The following SPATA13 variants were observed in gnomAD, a reference collection of about 807,000 sequenced individuals.
SPATA13 encodes the protein spermatogenesis associated 13.
A neutral mutation model predicts 104.0 loss-of-function variants in SPATA13; 50 were observed. The observed-to-expected ratio is 0.48, with a 90% CI of 0.38 to 0.61. The LOEUF is 0.61. SPATA13 is among the 20% of genes least tolerant of loss of function. SPATA13 has a pLI of 0.00. For missense variants in SPATA13, 1,524 were observed against 1,690.6 expected (o/e 0.90, Z 1.73); for synonymous variants, 606 against 667.5 (o/e 0.91, Z 1.42).
rs149812969 is a variant in SPATA13, at chr13:24,298,726, A to G, written c.3583+991A>G. Among the ~76,000 whole-genome samples, 802 of 152,262 alleles carry G rather than the reference A, an allele frequency of 5.3e-3. 3 individuals carry two copies. Among genetic ancestry groups the G allele is most frequent in the Non-Finnish European group, 8.3e-3 (565 of 68,016 alleles). ...GAGGACAGCAGGACTAAAAACCAGG[A>G]GGTGCTTTTTCTGTCCTCCCCAGCC... is the stretch of plus-strand genomic sequence containing the variant. On this transcript the variant is annotated intron_variant, in intron 11 of 12. Coordinates refer to ENST00000382108, the MANE Select transcript of SPATA13 (RefSeq NM_001166271.3).
chr13:24,035,687 C>T (rs1877652726), intron 3 of SPATA13, among the ~76,000 whole-genome samples: 1 of 152,208 alleles, frequency 6.6e-6, no homozygotes, highest in South Asian at 2.1e-4. Flanking sequence ...TCTCTTCAAA[C>T]TCTTAGTCTC....
intron 2 of SPATA13, among the ~76,000 whole-genome samples, chr13:24,245,708 C>T (rs7988870): frequency 8.1e-4 from 123 of 151,152 alleles, no homozygotes; most frequent in African/African-American, 2.8e-3. Flanking sequence ...CCTCCTGCCT[C>T]GGCCTCCCAA....
At chr13:23,989,782 G>A (rs1875322284) in intron 2 of SPATA13, among the ~76,000 whole-genome samples, 1 of 152,122 alleles carries the variant, frequency 6.6e-6, no homozygotes, top group Non-Finnish European at 1.5e-5. Flanking sequence ...GTGAGGCCTT[G>A]GGAAGTGATT....
At chr13:24,156,914 C>T (rs981625960), upstream of SPATA13, among the ~76,000 whole-genome samples, 7 of 152,158 alleles carry the variant, frequency 4.6e-5, no homozygotes, top group African/African-American at 1.7e-4. Context: ...TTCAACCAAC[C>T]CCCTTTTGTC....
chr13:24,177,692 T>A (rs539209788), intron 1 of SPATA13, among the ~76,000 whole-genome samples: 9 of 152,044 alleles, frequency 5.9e-5, no homozygotes, highest in Non-Finnish European at 1.0e-4. Context: ...ACTTAAGTGA[T>A]CCTTCCACCT....
At chr13:24,250,209 GATAAAATGTAAAGAAGAAATAA>G (rs769227121) in intron 3 of SPATA13, among the ~76,000 whole-genome samples, 116 of 152,118 alleles carry the variant, frequency 7.6e-4, no homozygotes, top group Non-Finnish European at 1.4e-3. Flanking sequence ...AAAATGTAAA[GATAAAATGTAAAGAAGAAATAA>G]ATAAAATGTA....
intron 3 of SPATA13, among the ~76,000 whole-genome samples, chr13:24,050,564 G>A (rs1878304744): frequency 6.6e-6 from 1 of 152,206 alleles, no homozygotes; most frequent in Non-Finnish European, 1.5e-5. Flanking sequence ...GCATGTGGCT[G>A]GAGCAGCACC....
rs764044800 is a variant in SPATA13 at position 24,223,826 on chromosome 13, G to A, written c.897G>A (p.Lys299=). ...GCAGTTCCTCCACTGACTCCCAAAA[G>A]CTTGGGTCAGGAAGGACCAAACGCT... ...TLSSSSTDSQ[K]LGSGRTKRWR... is the part of the protein sequence containing the mutation. The change falls in exon 2 of 13, where the codon AAG becomes AAA. Residue 299 remains lysine, a synonymous_variant. Coordinates refer to ENST00000382108, the MANE Select transcript of SPATA13 (RefSeq NM_001166271.3). The A allele has an allele frequency of 3.9e-6, 6 of 1,551,778 alleles. No homozygotes were observed. Among genetic ancestry groups the A allele is most frequent in the Non-Finnish European group, 5.2e-6 (6 of 1,147,018 alleles).
chr13:24,283,986 T>TCC, intron 4 of SPATA13, 149 bp from the exon 5 acceptor site: 1 of 765,462 alleles, frequency 1.3e-6, no homozygotes, highest in Non-Finnish European at 2.0e-6. Flanking sequence ...AACTTTGGAG[T>TCC]AATGTAGACA....
chr13:24,297,944 A>T (rs1876910957), intron 11 of SPATA13, among the ~76,000 whole-genome samples: 1 of 152,236 alleles, frequency 6.6e-6, no homozygotes, highest in Admixed American at 6.5e-5. Flanking sequence ...GGCAACATTT[A>T]TTCAGTATTT....
intron 3 of SPATA13, among the ~76,000 whole-genome samples, chr13:24,106,697 A>G (rs1880466210): frequency 6.6e-6 from 1 of 152,220 alleles, no homozygotes; most frequent in Non-Finnish European, 1.5e-5. Flanking sequence ...GTTCCAGGGC[A>G]AACTTAACAA....
chr13:24,079,145 G>T (rs1197932172), intron 3 of SPATA13, among the ~76,000 whole-genome samples: 1 of 152,186 alleles, frequency 6.6e-6, no homozygotes, highest in Non-Finnish European at 1.5e-5. Flanking sequence ...CAGTTCGGGG[G>T]AGGGCAGCGG....
At chr13:24,295,674 T>A (rs1254504419) in intron 10 of SPATA13, among the ~76,000 whole-genome samples, 2 of 902 alleles carry the variant, frequency 2.2e-3, no homozygotes, top group Non-Finnish European at 6.3e-3. Context: ...ATTCTCACTC[T>A]CTCTCTCTCT....
chr13:24,072,843 T>A (rs1243127647), intron 3 of SPATA13, among the ~76,000 whole-genome samples: 1 of 135,092 alleles, frequency 7.4e-6, no homozygotes, highest in Non-Finnish European at 1.6e-5. Context: ...TTTTTTTTTT[T>A]ACATCCCCTT....
intron 3 of SPATA13, among the ~76,000 whole-genome samples, chr13:24,136,566 G>A (rs1316639738): frequency 6.6e-6 from 1 of 152,088 alleles, no homozygotes; most frequent in Non-Finnish European, 1.5e-5. Flanking sequence ...AAGAGAACTA[G>A]GAAATGCTCA....
chr13:24,099,154 A>C (rs1215515504), intron 3 of SPATA13, among the ~76,000 whole-genome samples: 3 of 152,172 alleles, frequency 2.0e-5, no homozygotes, highest in Admixed American at 2.0e-4. Context: ...TGGGGGAACC[A>C]ATCCATTCTC....
At chr13:24,206,787 G>T (rs1202823036) in intron 1 of SPATA13, among the ~76,000 whole-genome samples, 1 of 151,832 alleles carries the variant, frequency 6.6e-6, no homozygotes, top group African/African-American at 2.4e-5. Context: ...AGCTACTCAG[G>T]AGGCTGAGGC....
chr13:24,244,349 G>T (rs1328938607), intron 2 of SPATA13, among the ~76,000 whole-genome samples: 1 of 152,042 alleles, frequency 6.6e-6, no homozygotes, highest in Non-Finnish European at 1.5e-5. Context: ...CTTCCTTTAG[G>T]TTAGGCCTCT....
At chr13:24,175,862 T>C in intron 1 of SPATA13, among the ~76,000 whole-genome samples, 1 of 152,172 alleles carries the variant, frequency 6.6e-6, no homozygotes, top group Middle Eastern at 3.2e-3. Context: ...TGCAGAGCGA[T>C]TACTAGAAAA....
Sources: allele counts gnomAD v4.1 joint callset (sites outside exome capture counted in the v4.1 genomes callset), GRCh38; gene constraint gnomAD v4.1.1; transcripts MANE v1.5; gene names NCBI Gene and HGNC (gene_info 2026-07-23, HGNC 2026-07-21).